ZDHHC15: variants seen among roughly 807,000 people sequenced by gnomAD.
ZDHHC15 encodes palmitoyltransferase ZDHHC15.
ZDHHC15 carries 19 observed loss-of-function variants against 31.7 expected under a neutral mutation model. That is an observed-to-expected ratio of 0.60 (90% CI 0.42 to 0.88). The LOEUF is 0.88. ZDHHC15 is among the 40% of genes least tolerant of loss of function. The pLI, the probability that ZDHHC15 is intolerant of heterozygous loss-of-function variation, is 0.00. For missense variants in ZDHHC15, 209 were observed against 251.2 expected, an observed-to-expected ratio of 0.83 and a Z score of 1.14; for synonymous variants, 103 against 90.0, an observed-to-expected ratio of 1.14 and a Z score of -0.82.
At chrX:75,514,755 G>A (rs1001999421) in intron 1 of ZDHHC15, among the ~76,000 whole-genome samples, 6 of 111,480 alleles carry the variant, frequency 5.4e-5, no homozygotes, top group African/African-American at 1.6e-4. Flanking sequence ...TGCAAGGCTC[G>A]GTGGGTCTCA....
At chrX:75,378,407 G>A (rs773320228) in intron 11 of ZDHHC15, among the ~76,000 whole-genome samples, 1 of 112,081 alleles carries the variant, frequency 8.9e-6, no homozygotes, top group Admixed American at 9.4e-5. Flanking sequence ...TTCTGTAAGG[G>A]AAAGAACTGA....
At chrX:75,516,946 C>T (rs1168091254) in intron 1 of ZDHHC15, among the ~76,000 whole-genome samples, 1 of 112,164 alleles carries the variant, frequency 8.9e-6, no homozygotes, top group Non-Finnish European at 1.9e-5. Context: ...AGACATTTCT[C>T]AAAAGAAGAC....
intron 1 of ZDHHC15, among the ~76,000 whole-genome samples, chrX:75,518,385 A>G (rs2085392573): frequency 9.0e-6 from 1 of 111,262 alleles, no homozygotes. Context: ...AAGATACTCA[A>G]TATTTTTTTC....
chrX:75,446,490 T>G (rs2084036239), intron 4 of ZDHHC15, among the ~76,000 whole-genome samples: 1 of 111,831 alleles, frequency 8.9e-6, no homozygotes. Flanking sequence ...ACAAGGAAAT[T>G]TGGAAAAGAA....
intron 10 of ZDHHC15, among the ~76,000 whole-genome samples, chrX:75,401,833 A>C (rs943867352): frequency 1.1e-4 from 12 of 112,147 alleles, no homozygotes; most frequent in African/African-American, 3.9e-4. Flanking sequence ...CAGATAAATG[A>C]GACAGAAAAT....
At chrX:75,489,961 G>A (rs1022458668) in intron 2 of ZDHHC15, among the ~76,000 whole-genome samples, 22 of 112,005 alleles carry the variant, frequency 2.0e-4, no homozygotes, top group Non-Finnish European at 3.0e-4. Flanking sequence ...CTCAGTAGCC[G>A]ATTCGATCAA....
chrX:75,428,777 T>A (rs2083743426), intron 7 of ZDHHC15, among the ~76,000 whole-genome samples: 1 of 111,719 alleles, frequency 9.0e-6, no homozygotes, highest in South Asian at 3.7e-4. Context: ...AAGTGGAACT[T>A]TAAAACTCAC....
chrX:75,377,104 C>T (rs1184152336), intron 11 of ZDHHC15, among the ~76,000 whole-genome samples: 1 of 111,763 alleles, frequency 8.9e-6, no homozygotes, highest in Non-Finnish European at 1.9e-5. Flanking sequence ...ACAAATATCA[C>T]TGTAGTAATT....
chrX:75,468,458 C>T lies in ZDHHC15; in HGVS notation c.258+10433G>A, dbSNP rs141861931. 3.2e-3 allele frequency among the ~76,000 whole-genome samples: 358 copies of T among 112,035 alleles called. 2 individuals carry two copies. The highest frequency in any genetic ancestry group is 0.011 in the African/African-American group (351 of 30,893). On this transcript the variant is annotated intron_variant, in intron 3 of 11. Transcript: ENST00000373367. Reference sequence around the variant, plus strand: ...ATGGACATACAACACCTTCATTATCCATTTATTCACTGATGAAAATTTGGA... The same window carrying T: ...ATGGACATACAACACCTTCATTATCTATTTATTCACTGATGAAAATTTGGA...
intron 2 of ZDHHC15, among the ~76,000 whole-genome samples, chrX:75,497,995 G>A (rs148059773): frequency 2.8e-5 from 3 of 106,494 alleles, no homozygotes; most frequent in Non-Finnish European, 3.9e-5. Flanking sequence ...GTGCAATGGC[G>A]TGATCTCAGC....
At chrX:75,463,285 C>A (rs1006426707) in intron 3 of ZDHHC15, among the ~76,000 whole-genome samples, 1 of 110,935 alleles carries the variant, frequency 9.0e-6, no homozygotes, top group African/African-American at 3.3e-5. Context: ...TCAAAAAAAG[C>A]CCAGGACCAG....
At chrX:75,466,090 A>C (rs1055805381) in intron 3 of ZDHHC15, among the ~76,000 whole-genome samples, 1 of 111,865 alleles carries the variant, frequency 8.9e-6, no homozygotes, top group African/African-American at 3.2e-5. Flanking sequence ...AAGGAACTTA[A>C]ATTTCTAAGA....
intron 9 of ZDHHC15, among the ~76,000 whole-genome samples, chrX:75,419,423 G>C (rs2083592894): frequency 9.0e-6 from 1 of 111,454 alleles, no homozygotes; most frequent in African/African-American, 3.3e-5. Context: ...CAGTTAGAAT[G>C]GCGATCATGA....
intron 3 of ZDHHC15, among the ~76,000 whole-genome samples, chrX:75,460,877 C>T (rs1402502322): frequency 4.5e-5 from 5 of 112,094 alleles, no homozygotes; most frequent in South Asian, 3.7e-4. Context: ...CAGAGTGTCT[C>T]TATTCCTTCA....
At chrX:75,513,416 C>T (rs1296324649) in intron 1 of ZDHHC15, among the ~76,000 whole-genome samples, 2 of 111,751 alleles carry the variant, frequency 1.8e-5, no homozygotes, top group African/African-American at 6.5e-5. Flanking sequence ...TTGCAGAACT[C>T]TGGAATCTAG....
intron 3 of ZDHHC15, among the ~76,000 whole-genome samples, chrX:75,463,126 C>A (rs748510085): frequency 9.0e-6 from 1 of 111,374 alleles, no homozygotes; most frequent in African/African-American, 3.3e-5. Flanking sequence ...TCAGAGAATA[C>A]TATAAAACCT....
At position 75,432,473 on chromosome X, in the gene ZDHHC15, G is replaced by A. The variant is rs193068812; in HGVS notation, c.380-953C>T. On this transcript the variant is annotated intron_variant, in intron 4 of 11. Coordinates refer to ENST00000373367, the MANE Select transcript of ZDHHC15 (RefSeq NM_144969.3). ...TGGAAGTATGTGAGTGACTAAAGTC[G>A]TGGGTATAATTGAGTCAAAGAGGAA... Among the ~76,000 whole-genome samples, 410 of 112,104 alleles carry A rather than the reference G, an allele frequency of 3.7e-3. 1 individual carries two copies. Among genetic ancestry groups the A allele is most frequent in the Middle Eastern group, 0.014 (3 of 217 alleles).
At chrX:75,495,150 C>A (rs11093536) in intron 2 of ZDHHC15, among the ~76,000 whole-genome samples, 64,925 of 111,087 alleles carry the variant, frequency 0.58, 16,897 homozygotes, top group Non-Finnish European at 0.82. Context: ...CAAAAGGAGA[C>A]ATTTATGCAG....
At chrX:75,509,920 T>C (rs1350988582) in intron 1 of ZDHHC15, among the ~76,000 whole-genome samples, 1 of 112,242 alleles carries the variant, frequency 8.9e-6, no homozygotes, top group East Asian at 2.8e-4. Flanking sequence ...TATGATGGTA[T>C]TAAAATAATT....
Sources: gnomAD v4.1 joint callset for allele counts (sites outside exome capture counted in the v4.1 genomes callset) on GRCh38, gnomAD v4.1.1 for gene constraint, MANE v1.5 for transcripts, NCBI Gene and HGNC (gene_info 2026-07-23, HGNC 2026-07-21) for gene names.